TRAPPC9: variants seen among roughly 807,000 people sequenced by gnomAD.
TRAPPC9 encodes the protein trafficking protein particle complex subunit 9, also known as IKK2 binding protein.
In TRAPPC9, 83 loss-of-function variants were observed where a neutral mutation model predicts 124.0. The observed-to-expected ratio is 0.67, with a 90% CI of 0.56 to 0.80. TRAPPC9 has a LOEUF of 0.80. TRAPPC9 is among the 30% of genes least tolerant of loss of function. The pLI, the probability that TRAPPC9 is intolerant of heterozygous loss-of-function variation, is 0.00. For missense variants in TRAPPC9, 1,302 were observed against 1,508.3 expected, an observed-to-expected ratio of 0.86 and a Z score of 2.27; for synonymous variants, 638 against 617.5, an observed-to-expected ratio of 1.03 and a Z score of -0.49.
In TRAPPC9 at chr8:139,894,479, C is replaced by T. The variant is rs183610075; in HGVS notation, c.2965-8510G>A. 3.7e-3 allele frequency among the ~76,000 whole-genome samples: 558 copies of T among 152,246 alleles called. 5 individuals carry two copies. The highest frequency in any genetic ancestry group is 0.013 in the African/African-American group (535 of 41,536). On this transcript the variant is annotated intron_variant, in intron 20 of 22. Transcript: ENST00000438773. ...CCCCACTGCTGCGGTGCCCTGAGTG[C>T]GCCACTCCTCCTAGGAAACGCCATC...
intron 19 of TRAPPC9, among the ~76,000 whole-genome samples, chr8:139,930,336 T>C (rs1833063897): frequency 6.6e-6 from 1 of 152,184 alleles, no homozygotes; most frequent in Non-Finnish European, 1.5e-5. Flanking sequence ...ACAGCCAAGG[T>C]GAGCAGTGGC....
intron 18 of TRAPPC9, among the ~76,000 whole-genome samples, chr8:139,998,510 A>T (rs936708540): frequency 7.2e-5 from 11 of 152,228 alleles, no homozygotes; most frequent in African/African-American, 2.4e-4. Context: ...CAAGGTCAGG[A>T]GATCGAGACC....
intron 16 of TRAPPC9, among the ~76,000 whole-genome samples, chr8:140,234,979 T>G (rs541189609): frequency 6.6e-6 from 1 of 152,340 alleles, no homozygotes; most frequent in Admixed American, 6.5e-5. Context: ...TTTACAATTT[T>G]TTTTTTCTGC....
chr8:140,438,711 T>G (rs1275635478), intron 3 of TRAPPC9, among the ~76,000 whole-genome samples: 1 of 152,152 alleles, frequency 6.6e-6, no homozygotes, highest in African/African-American at 2.4e-5. Flanking sequence ...TATTTTTTTT[T>G]GAGATGGAGT....
intron 9 of TRAPPC9, among the ~76,000 whole-genome samples, chr8:140,329,799 G>A (rs772658035): frequency 6.6e-6 from 1 of 151,962 alleles, no homozygotes; most frequent in Non-Finnish European, 1.5e-5. Context: ...ACTCAATACC[G>A]GCCAGGCATG....
intron 20 of TRAPPC9, among the ~76,000 whole-genome samples, chr8:139,886,172 C>A (rs1423047836): frequency 2.0e-5 from 3 of 152,198 alleles, no homozygotes; most frequent in African/African-American, 4.8e-5. Context: ...AGTGCTTGTC[C>A]TCCTACCCCT....
At chr8:139,820,121 T>C (rs776976872) in intron 21 of TRAPPC9, among the ~76,000 whole-genome samples, 1 of 152,038 alleles carries the variant, frequency 6.6e-6, no homozygotes, top group Non-Finnish European at 1.5e-5. Context: ...ATTTTTTTAA[T>C]TTCAGATTTC....
intron 17 of TRAPPC9, among the ~76,000 whole-genome samples, chr8:140,058,866 G>A (rs920450800): frequency 1.3e-5 from 2 of 152,254 alleles, no homozygotes; most frequent in South Asian, 2.1e-4. Flanking sequence ...CAGGAGAGTC[G>A]GGAGAGTCAG....
At chr8:140,194,641 A>C (rs1195023494) in intron 17 of TRAPPC9, among the ~76,000 whole-genome samples, 1 of 152,174 alleles carries the variant, frequency 6.6e-6, no homozygotes, top group Non-Finnish European at 1.5e-5. Context: ...GCACTCGCTG[A>C]CTGGAAGGTC....
intron 19 of TRAPPC9, among the ~76,000 whole-genome samples, chr8:139,971,748 T>TATACACAC (rs1233384141): frequency 2.1e-5 from 3 of 146,056 alleles, no homozygotes; most frequent in African/African-American, 7.8e-5. Context: ...CATATATATA[T>TATACACAC]ACACACACAC....
intron 21 of TRAPPC9, among the ~76,000 whole-genome samples, chr8:139,777,822 A>G (rs1312942515): frequency 6.6e-6 from 1 of 152,244 alleles, no homozygotes; most frequent in Non-Finnish European, 1.5e-5. Context: ...AGTGAGCCCT[A>G]GAATCATCCC....
intron 21 of TRAPPC9, among the ~76,000 whole-genome samples, chr8:139,796,055 G>A (rs577595564): frequency 7.2e-6 from 1 of 139,602 alleles, no homozygotes; most frequent in Admixed American, 6.8e-5. Context: ...GAAGGAGGAG[G>A]AAGAGGAAGA....
intron 17 of TRAPPC9, among the ~76,000 whole-genome samples, chr8:140,036,448 G>A (rs1223679486): frequency 1.3e-5 from 2 of 151,732 alleles, no homozygotes; most frequent in Non-Finnish European, 2.9e-5. Flanking sequence ...AAGGGAAAAG[G>A]GAAGCCACGG....
intron 17 of TRAPPC9, among the ~76,000 whole-genome samples, chr8:140,049,901 C>T (rs1286030350): frequency 6.6e-6 from 1 of 152,226 alleles, no homozygotes; most frequent in African/African-American, 2.4e-5. Context: ...TCCTTCAATT[C>T]CACCACAACT....
intron 20 of TRAPPC9, among the ~76,000 whole-genome samples, chr8:139,893,679 G>A (rs974887458): frequency 3.3e-5 from 5 of 152,244 alleles, no homozygotes; most frequent in Non-Finnish European, 7.3e-5. Flanking sequence ...TTCACCAGCA[G>A]TGCACCCACA....
intron 17 of TRAPPC9, among the ~76,000 whole-genome samples, chr8:140,137,745 T>C (rs1430845503): frequency 6.6e-6 from 1 of 152,244 alleles, no homozygotes; most frequent in Non-Finnish European, 1.5e-5. Context: ...TATTCACAGC[T>C]CTATCTTATA....
At chr8:140,359,999 C>T (rs766346229) in intron 9 of TRAPPC9, 51 bp downstream of exon 9, 3 of 1,612,770 alleles carry the variant, frequency 1.9e-6, no homozygotes, top group Non-Finnish European at 2.5e-6. Flanking sequence ...ATCTAAAGTG[C>T]TCTCATTCAC....
intron 19 of TRAPPC9, among the ~76,000 whole-genome samples, chr8:139,934,222 TCAGAGAGAGA>T (rs905684485): frequency 6.6e-6 from 1 of 151,890 alleles, no homozygotes; most frequent in African/African-American, 2.4e-5. Flanking sequence ...TCAAGTCCAA[TCAGAGAGAGA>T]CAGAGAGATT....
chr8:139,827,840 C>T (rs893837297), intron 21 of TRAPPC9, among the ~76,000 whole-genome samples: 1 of 152,198 alleles, frequency 6.6e-6, no homozygotes, highest in Non-Finnish European at 1.5e-5. Context: ...ATCTGCTCAG[C>T]TTCTGGGGAG....
Sources: gnomAD v4.1 joint callset for allele counts (sites outside exome capture counted in the v4.1 genomes callset) on GRCh38, gnomAD v4.1.1 for gene constraint, MANE v1.5 for transcripts, NCBI Gene and HGNC (gene_info 2026-07-23, HGNC 2026-07-21) for gene names.